The following KCNJ6 variants were observed in gnomAD, a reference collection of about 807,000 sequenced individuals.
KCNJ6 encodes the protein potassium inwardly rectifying channel subfamily J member 6.
KCNJ6 carries 9 observed loss-of-function variants against 34.2 expected under a neutral mutation model. That is an observed-to-expected ratio of 0.26 (90% confidence interval 0.16 to 0.46). The LOEUF (loss-of-function observed/expected upper bound fraction) is 0.46. Among genes scored for constraint, KCNJ6 ranks in the 20% least tolerant of loss-of-function variants. KCNJ6 has a pLI of 1.00. For synonymous variants in KCNJ6, 196 were observed against 207.1 expected (o/e 0.95, Z 0.46); for missense variants, 236 against 531.3 (o/e 0.44, Z 5.46).
chr21:37,858,632 A>T (rs2055577543), intron 1 of KCNJ6, among the ~76,000 whole-genome samples: 1 of 152,150 alleles, frequency 6.6e-6, no homozygotes. Flanking sequence ...ATTCAACAAG[A>T]CAATGGGATA....
intron 3 of KCNJ6, among the ~76,000 whole-genome samples, chr21:37,677,338 C>T (rs944442599): frequency 1.3e-5 from 2 of 152,182 alleles, no homozygotes; most frequent in African/African-American, 4.8e-5. Context: ...CCCTGTGTTC[C>T]ATCCAGAGAT....
At chr21:37,913,173 G>A (rs751936476) in intron 1 of KCNJ6, among the ~76,000 whole-genome samples, 7 of 152,198 alleles carry the variant, frequency 4.6e-5, no homozygotes, top group Non-Finnish European at 2.9e-5. Context: ...AAGGATGAGA[G>A]CAGGGCAAAG....
At chr21:37,855,814 A>G (rs1002212476) in intron 1 of KCNJ6, among the ~76,000 whole-genome samples, 1 of 152,204 alleles carries the variant, frequency 6.6e-6, no homozygotes, top group African/African-American at 2.4e-5. Flanking sequence ...CTCATTGACA[A>G]TTCTGTGGTT....
At chr21:37,701,350 C>A (rs2054689813) in intron 3 of KCNJ6, among the ~76,000 whole-genome samples, 1 of 152,040 alleles carries the variant, frequency 6.6e-6, no homozygotes, top group African/African-American at 2.4e-5. Flanking sequence ...ATTCCCATTG[C>A]CAGAAGGTAG....
chr21:37,871,394 T>C (rs1022721217), intron 1 of KCNJ6, among the ~76,000 whole-genome samples: 3 of 152,114 alleles, frequency 2.0e-5, no homozygotes, highest in African/African-American at 7.2e-5. Context: ...TGGGTGGGAA[T>C]TGAAGCAAGA....
intron 1 of KCNJ6, among the ~76,000 whole-genome samples, chr21:37,846,353 CTGTGTGTGTGTGTGTGTGTGTGTGTGTG>C (rs55697215): frequency 2.8e-5 from 4 of 144,960 alleles, no homozygotes; most frequent in Admixed American, 1.4e-4. Context: ...CTGAGACACT[CTGTGTGTGTGTGTGTGTGTGTGTGTGTG>C]TGTGTGTGTG....
rs546209168 is a variant in KCNJ6, at chr21:37,748,501, T to C, written c.26-33370A>G. On this transcript the variant is annotated intron_variant, in intron 2 of 3. Transcript: ENST00000609713. ...AATCCATCTCTAGAAGTCTTAACAG[T>C]GTTTTCCATTGACTCAGAGCTTGGT... Among the ~76,000 whole-genome samples, 174 of 152,208 alleles carry C rather than the reference T, an allele frequency of 1.1e-3. 5 individuals are homozygous for C. In the South Asian group the frequency reaches 0.036, roughly 31 times the overall value.
intron 3 of KCNJ6, among the ~76,000 whole-genome samples, chr21:37,697,135 A>C (rs1377330340): frequency 6.6e-6 from 1 of 152,166 alleles, no homozygotes; most frequent in Non-Finnish European, 1.5e-5. Flanking sequence ...AGGGAGCGAG[A>C]AGACCATAAG....
intron 2 of KCNJ6, among the ~76,000 whole-genome samples, chr21:37,758,368 A>G (rs1601457726): frequency 2.0e-5 from 3 of 152,332 alleles, no homozygotes; most frequent in Admixed American, 2.0e-4. Context: ...ACCCTGCGCC[A>G]GGTGCTGTAA....
At chr21:37,751,410 C>G (rs571597634) in intron 2 of KCNJ6, among the ~76,000 whole-genome samples, 3 of 152,230 alleles carry the variant, frequency 2.0e-5, no homozygotes, top group African/African-American at 7.2e-5. Flanking sequence ...ACACTGGGAC[C>G]AGGGAGAGCA....
At chr21:37,683,845 C>G (rs934513855) in intron 3 of KCNJ6, among the ~76,000 whole-genome samples, 1 of 152,104 alleles carries the variant, frequency 6.6e-6, no homozygotes. Flanking sequence ...GAAAGGATCC[C>G]TTCTGCAGCG....
At chr21:37,690,781 C>CT (rs796532358) in intron 3 of KCNJ6, among the ~76,000 whole-genome samples, 4,747 of 136,508 alleles carry the variant, frequency 0.035, 168 homozygotes, top group African/African-American at 0.099. Flanking sequence ...TTTTTCTTTT[C>CT]TTTTTTTTTT....
intron 1 of KCNJ6, among the ~76,000 whole-genome samples, chr21:37,868,949 A>G (rs1163887417): frequency 1.3e-5 from 2 of 152,248 alleles, no homozygotes; most frequent in Non-Finnish European, 2.9e-5. Flanking sequence ...TGTTTCACTC[A>G]CAGTTTAGAA....
chr21:37,744,942 T>C (rs1473915381), intron 2 of KCNJ6, among the ~76,000 whole-genome samples: 1 of 152,154 alleles, frequency 6.6e-6, no homozygotes, highest in Non-Finnish European at 1.5e-5. Context: ...AAATTATACT[T>C]CCAGATGGAA....
At chr21:37,887,486 C>G (rs2055741629) in intron 1 of KCNJ6, among the ~76,000 whole-genome samples, 1 of 152,174 alleles carries the variant, frequency 6.6e-6, no homozygotes, top group East Asian at 1.9e-4. Flanking sequence ...AAGACAAAGT[C>G]CTTGCCTTCA....
At chr21:37,722,918 A>G (rs922705613) in intron 2 of KCNJ6, among the ~76,000 whole-genome samples, 10 of 152,356 alleles carry the variant, frequency 6.6e-5, no homozygotes, top group Middle Eastern at 3.4e-3. Flanking sequence ...AATTGCAACA[A>G]GTCAAAAGTT....
intron 3 of KCNJ6, among the ~76,000 whole-genome samples, chr21:37,626,440 C>T (rs894652191): frequency 6.6e-6 from 1 of 152,170 alleles, no homozygotes; most frequent in African/African-American, 2.4e-5. Flanking sequence ...GGCCACTTTT[C>T]CCTTTTCTTA....
chr21:37,826,382 C>T (rs1416792379), intron 2 of KCNJ6, among the ~76,000 whole-genome samples: 1 of 152,130 alleles, frequency 6.6e-6, no homozygotes, highest in Non-Finnish European at 1.5e-5. Flanking sequence ...TCATTTGATA[C>T]CGTGTCTTAG....
At chr21:37,889,995 T>A (rs1171104543) in intron 1 of KCNJ6, among the ~76,000 whole-genome samples, 1 of 152,238 alleles carries the variant, frequency 6.6e-6, no homozygotes, top group African/African-American at 2.4e-5. Context: ...AAATTCATTT[T>A]TTTTCTTCCT....
Sources: gnomAD v4.1 joint callset for allele counts (sites outside exome capture counted in the v4.1 genomes callset) on GRCh38, gnomAD v4.1.1 for gene constraint, MANE v1.5 for transcripts, NCBI Gene and HGNC (gene_info 2026-07-23, HGNC 2026-07-21) for gene names.